The following FANCL variants were observed in gnomAD, a reference collection of about 807,000 sequenced individuals.
FANCL encodes the protein FA complementation group L.
A neutral mutation model predicts 59.4 loss-of-function variants in FANCL; 69 were observed. The observed-to-expected ratio is 1.16, with a 90% confidence interval of 0.96 to 1.42. The LOEUF (loss-of-function observed/expected upper bound fraction) is 1.42. Among genes scored for constraint, FANCL ranks in the 40% most tolerant of loss-of-function variants. The probability of loss-of-function intolerance (pLI) is 0.00; values close to 1 mark genes in which losing one functional copy is unlikely to be tolerated. For missense variants in FANCL, 519 were observed against 447.2 expected (o/e 1.16, Z -1.45); for synonymous variants, 180 against 147.1 (o/e 1.22, Z -1.62).
At chr2:58,174,970 G>A (rs1371323686) in intron 7 of FANCL, among the ~76,000 whole-genome samples, 1 of 152,168 alleles carries the variant, frequency 6.6e-6, no homozygotes, top group Non-Finnish European at 1.5e-5. Flanking sequence ...CGATCCCACA[G>A]AAATACAAAC....
chr2:58,225,734 A>C (rs1390810418), intron 4 of FANCL, among the ~76,000 whole-genome samples: 1 of 152,052 alleles, frequency 6.6e-6, no homozygotes, highest in Non-Finnish European at 1.5e-5. Flanking sequence ...TAAAAGATAA[A>C]CCATGAATAT....
chr2:58,236,050 CAA>C (rs767983260), intron 1 of FANCL, among the ~76,000 whole-genome samples: 7 of 84,072 alleles, frequency 8.3e-5, no homozygotes, highest in Admixed American at 1.2e-4. Context: ...AAAGGAGGAA[CAA>C]AAAAAAAAAA....
chr2:58,177,553 T>C (rs1316572535), intron 7 of FANCL, among the ~76,000 whole-genome samples: 1 of 143,274 alleles, frequency 7.0e-6, no homozygotes, highest in East Asian at 2.1e-4. Flanking sequence ...ACACCGCATA[T>C]TCTCACTCAT....
chr2:58,226,614 ATGAC>A, intron 4 of FANCL, 110 bp downstream of exon 4: 2 of 789,068 alleles, frequency 2.5e-6, no homozygotes, highest in East Asian at 2.6e-5. Flanking sequence ...AAAACATCAA[ATGAC>A]TGAGAGTTAA....
In FANCL at chr2:58,159,469, G is replaced by A. The variant is rs201610023; in HGVS notation, c.*296C>T. Reference sequence around the variant, plus strand: ...AAACTCATTTTATGAGCCTCATCAAGATTTTACCAGTCCAGATATATTCAA... The same window carrying A: ...AAACTCATTTTATGAGCCTCATCAAAATTTTACCAGTCCAGATATATTCAA... On this transcript the variant is annotated 3_prime_UTR_variant, in exon 14 of 14. Transcript: ENST00000233741. The A allele has an allele frequency of 1.6e-5, 26 of 1,613,498 alleles. No homozygotes were observed. Among genetic ancestry groups the A allele is most frequent in the Admixed American group, 3.3e-5 (2 of 59,932 alleles).
intron 7 of FANCL, among the ~76,000 whole-genome samples, chr2:58,173,825 A>G (rs2104892002): frequency 6.6e-6 from 1 of 152,314 alleles, no homozygotes; most frequent in African/African-American, 2.4e-5. Context: ...TGCTCCAATT[A>G]AAAGACATAG....
At chr2:58,194,483 A>G (rs1208269241) in intron 7 of FANCL, among the ~76,000 whole-genome samples, 1 of 152,218 alleles carries the variant, frequency 6.6e-6, no homozygotes, top group Non-Finnish European at 1.5e-5. Context: ...GCTAAAATCT[A>G]TAAAAGATTA....
chr2:58,238,103 A>G (rs12988249), intron 1 of FANCL, among the ~76,000 whole-genome samples: 11,863 of 152,282 alleles, frequency 0.078, 615 homozygotes, highest in East Asian at 0.2. Flanking sequence ...AGCCCAGGAC[A>G]GCTCTGAATG....
intron 5 of FANCL, among the ~76,000 whole-genome samples, chr2:58,218,679 G>A (rs1176678753): frequency 6.6e-6 from 1 of 151,668 alleles, no homozygotes; most frequent in African/African-American, 2.4e-5. Flanking sequence ...ACCCATGGAG[G>A]TACAGATTAA....
At chr2:58,196,486 T>A (rs1207704565) in intron 7 of FANCL, among the ~76,000 whole-genome samples, 5 of 151,932 alleles carry the variant, frequency 3.3e-5, no homozygotes, top group Non-Finnish European at 7.4e-5. Context: ...TTTCTTAGAG[T>A]TACTACAAAA....
At chr2:58,239,786 C>T (rs1253504366) in intron 1 of FANCL, among the ~76,000 whole-genome samples, 1 of 152,124 alleles carries the variant, frequency 6.6e-6, no homozygotes, top group Non-Finnish European at 1.5e-5. Flanking sequence ...CATACATATA[C>T]TTAACAATGA....
chr2:58,182,231 C>A (rs1023469305), intron 7 of FANCL, among the ~76,000 whole-genome samples: 1 of 151,774 alleles, frequency 6.6e-6, no homozygotes. Flanking sequence ...GGAACTTAAA[C>A]ATTAATATAC....
chr2:58,180,477 T>C (rs564051210), intron 7 of FANCL, among the ~76,000 whole-genome samples: 2 of 152,178 alleles, frequency 1.3e-5, no homozygotes, highest in African/African-American at 2.4e-5. Context: ...AAACACTGCA[T>C]GTTCTCACTC....
chr2:58,191,167 C>A (rs941875084), intron 7 of FANCL, among the ~76,000 whole-genome samples: 1 of 151,630 alleles, frequency 6.6e-6, no homozygotes, highest in Non-Finnish European at 1.5e-5. Context: ...CATAGTGTAT[C>A]AATTTACCAG....
intron 5 of FANCL, among the ~76,000 whole-genome samples, chr2:58,208,574 T>C (rs1690814821): frequency 6.6e-6 from 1 of 152,214 alleles, no homozygotes; most frequent in African/African-American, 2.4e-5. Flanking sequence ...TATTTAGCTT[T>C]TATTTTCTTT....
chr2:58,211,230 G>A (rs1433822686), intron 5 of FANCL, among the ~76,000 whole-genome samples: 4 of 152,204 alleles, frequency 2.6e-5, no homozygotes, highest in African/African-American at 9.7e-5. Flanking sequence ...CCTCAGTTCT[G>A]GACTTCTGTG....
chr2:58,204,052 C>A (rs1357328117), intron 6 of FANCL, 78 bp downstream of exon 6: 4 of 1,088,470 alleles, frequency 3.7e-6, no homozygotes, highest in Non-Finnish European at 4.3e-6. Flanking sequence ...ACTAGCACTT[C>A]TTTACATTGA....
At chr2:58,221,732 T>C (rs1423551018) in intron 5 of FANCL, among the ~76,000 whole-genome samples, 1 of 152,212 alleles carries the variant, frequency 6.6e-6, no homozygotes, top group East Asian at 1.9e-4. Context: ...AATGTCATTT[T>C]TTCCAAATTA....
Position 58,159,577 on chromosome 2 carries a change from T to C in FANCL, c.*188A>G, listed in dbSNP as rs1234343264. The stretch of plus-strand genomic sequence containing the variant: ...AGACTTAGAAAGTTCAACTGGACTT[T>C]GGCCTACAATTTCCCAGTTTACTCT... On this transcript the variant is annotated 3_prime_UTR_variant, in exon 14 of 14. Transcript: ENST00000233741. The C allele has an allele frequency of 5.0e-6, 8 of 1,613,818 alleles. No homozygotes were observed. Among genetic ancestry groups the C allele is most frequent in the Non-Finnish European group, 6.8e-6 (8 of 1,179,854 alleles).
Sources: allele counts gnomAD v4.1 joint callset (sites outside exome capture counted in the v4.1 genomes callset), GRCh38; gene constraint gnomAD v4.1.1; transcripts MANE v1.5; gene names NCBI Gene and HGNC (gene_info 2026-07-23, HGNC 2026-07-21).